The following FAS variants were observed in gnomAD, a reference collection of about 807,000 sequenced individuals.
The protein encoded by FAS is Fas cell surface death receptor.
FAS carries 5 observed loss-of-function variants against 33.2 expected under a neutral mutation model. The observed-to-expected ratio is 0.15, with a 90% CI of 0.08 to 0.32. FAS has a LOEUF of 0.32. FAS is among the 10% of genes least tolerant of loss of function. FAS has a pLI of 1.00. For missense variants in FAS, 339 were observed against 386.0 expected, an observed-to-expected ratio of 0.88 and a Z score of 1.02; for synonymous variants, 131 against 130.7, an observed-to-expected ratio of 1.00 and a Z score of -0.01.
chr10:88,979,520 A>G (rs1160013889), intron 2 of FAS, among the ~76,000 whole-genome samples: 3 of 152,202 alleles, frequency 2.0e-5, no homozygotes, highest in Non-Finnish European at 2.9e-5. Context: ...AGGCAGCAAT[A>G]ACCCTAATGA....
chr10:88,974,723 T>C (rs555322647), intron 2 of FAS: 9 of 152,334 alleles, frequency 5.9e-5, no homozygotes, highest in African/African-American at 2.2e-4. Flanking sequence ...CATAGTTCAC[T>C]TAAGACTTTG....
upstream of FAS, among the ~76,000 whole-genome samples, chr10:88,987,451 C>A (rs898632223): frequency 1.6e-4 from 25 of 152,210 alleles, no homozygotes; most frequent in African/African-American, 6.0e-4. Flanking sequence ...GCTCTACCAA[C>A]CTTGATCTTT....
chr10:89,014,025 T>C (rs1359942065), intron 8 of FAS, 94 bp from the exon 9 acceptor site: 2 of 1,287,704 alleles, frequency 1.6e-6, no homozygotes, highest in African/African-American at 2.9e-5. Flanking sequence ...TTAGCTATAT[T>C]CTGAAGTACT....
In FAS at chr10:89,014,966, A is replaced by T; in HGVS notation, c.*516A>T. On this transcript the variant is annotated 3_prime_UTR_variant, in exon 9 of 9. Transcript: ENST00000652046. ...AACTCTGAGAAGATCATATTTATGT[A>T]AAGTATATGTATTTGAGTGCAGAAT... The T allele has an allele frequency of 1.9e-6, 1 of 534,504 alleles. No homozygotes were observed. Among genetic ancestry groups the T allele is most frequent in the Non-Finnish European group, 3.6e-6 (1 of 276,526 alleles). The allele number at this position is 534,504 out of a possible 1,614,324, so 33.1% of individuals were successfully genotyped here. A position where few individuals can be genotyped will look rare whatever the true frequency, so the allele number is the denominator to read the frequency against.
chr10:89,005,257 T>C (rs989286615), intron 2 of FAS, among the ~76,000 whole-genome samples: 4 of 152,052 alleles, frequency 2.6e-5, no homozygotes, highest in African/African-American at 4.8e-5. Context: ...CAGGAAATTA[T>C]AGGTGATGCA....
intron 1 of FAS, among the ~76,000 whole-genome samples, chr10:88,995,590 G>T (rs1847536285): frequency 6.6e-6 from 1 of 152,320 alleles, no homozygotes; most frequent in East Asian, 1.9e-4. Context: ...GGAGGCCAAG[G>T]TGGGTGGATC....
intron 1 of FAS, among the ~76,000 whole-genome samples, chr10:89,000,911 G>T (rs1847889586): frequency 9.0e-6 from 1 of 110,678 alleles, no homozygotes; most frequent in African/African-American, 2.8e-5. Flanking sequence ...AGCCGTCATA[G>T]TGTGCATTCC....
intron 4 of FAS, among the ~76,000 whole-genome samples, chr10:89,009,908 ATGTTAT>A (rs1848437850): frequency 6.6e-6 from 1 of 152,220 alleles, no homozygotes; most frequent in African/African-American, 2.4e-5. Flanking sequence ...TATTATTTCC[ATGTTAT>A]TGATGAGATA....
chr10:89,006,249 T>C (rs1848222995), intron 2 of FAS, among the ~76,000 whole-genome samples: 1 of 152,216 alleles, frequency 6.6e-6, no homozygotes. Flanking sequence ...ACTTGGGTTC[T>C]GTTTTCTTTA....
At chr10:88,967,190 G>A (rs749939095) in intron 1 of FAS, among the ~76,000 whole-genome samples, 23 of 152,134 alleles carry the variant, frequency 1.5e-4, no homozygotes, top group Non-Finnish European at 2.6e-4. Flanking sequence ...ACCCTATAGG[G>A]TAATTTTATA....
intron 1 of FAS, among the ~76,000 whole-genome samples, chr10:88,997,522 T>G (rs957918279): frequency 2.6e-5 from 4 of 152,212 alleles, no homozygotes; most frequent in African/African-American, 4.8e-5. Flanking sequence ...TGTGTATTTT[T>G]ATGTACAGAT....
In FAS at chr10:89,010,606, TA is replaced by T. The variant is rs1359376161; in HGVS notation, c.505+7del. 1.9e-6 allele frequency: 3 copies of T among 1,613,608 alleles called. No individual in the cohort carries two copies. The highest frequency in any genetic ancestry group is 4.5e-5 in the East Asian group (2 of 44,868). ...CACCAAGTGCAAAGAGGAAGGTAAT[TA>T]TTTTTTTACGGTTATATTCTCCTTT... On this transcript the variant is annotated splice_region_variant and intron_variant, in intron 5 of 8. Transcript: ENST00000652046.
At chr10:89,010,095 C>T (rs976362265) in intron 4 of FAS, among the ~76,000 whole-genome samples, 7 of 152,168 alleles carry the variant, frequency 4.6e-5, no homozygotes, top group East Asian at 3.9e-4. Flanking sequence ...CTCTAAGGGC[C>T]AGCTGAGTAC....
intron 2 of FAS, among the ~76,000 whole-genome samples, chr10:88,981,112 T>A (rs1846700126): frequency 6.6e-6 from 1 of 152,124 alleles, no homozygotes; most frequent in South Asian, 2.1e-4. Context: ...CCCAGCAATA[T>A]CCAAGAGAGA....
intron 2 of FAS, among the ~76,000 whole-genome samples, chr10:89,004,954 C>A (rs935053103): frequency 1.4e-4 from 21 of 152,142 alleles, no homozygotes; most frequent in African/African-American, 5.1e-4. Flanking sequence ...TTGAATATTG[C>A]ATAAATTAAT....
At chr10:89,012,435 C>T (rs1206207466) in intron 7 of FAS, 1 of 286,914 alleles carries the variant, frequency 3.5e-6, no homozygotes, top group Admixed American at 4.9e-5. Flanking sequence ...GCCTCAGCCT[C>T]CCAAAGTTCT....
intron 3 of FAS, among the ~76,000 whole-genome samples, chr10:89,008,519 C>A (rs749289135): frequency 6.6e-6 from 1 of 152,128 alleles, no homozygotes; most frequent in African/African-American, 2.4e-5. Context: ...TGAGTGAGGA[C>A]CTTGGTATTG....
chr10:88,992,914 C>T (rs181378579), intron 1 of FAS, among the ~76,000 whole-genome samples: 3 of 152,244 alleles, frequency 2.0e-5, no homozygotes, highest in African/African-American at 4.8e-5. Context: ...TATGCCTTCA[C>T]GGTTATGTTT....
At chr10:88,996,961 A>G (rs943490593) in intron 1 of FAS, among the ~76,000 whole-genome samples, 3 of 152,176 alleles carry the variant, frequency 2.0e-5, no homozygotes, top group Admixed American at 6.5e-5. Context: ...TATAGCCCTT[A>G]CATTACCCAT....
Sources: gnomAD v4.1 joint callset for allele counts (sites outside exome capture counted in the v4.1 genomes callset) on GRCh38, gnomAD v4.1.1 for gene constraint, MANE v1.5 for transcripts, NCBI Gene and HGNC (gene_info 2026-07-23, HGNC 2026-07-21) for gene names.